The following ZBBX variants were observed in gnomAD, a reference collection of about 807,000 sequenced individuals.
ZBBX encodes zinc finger B-box domain-containing protein 1.
A neutral mutation model predicts 108.5 loss-of-function variants in ZBBX; 101 were observed. That is an observed-to-expected ratio of 0.93 (90% CI 0.79 to 1.10). The LOEUF (loss-of-function observed/expected upper bound fraction) is 1.10. Ranked by LOEUF, ZBBX falls within the 50% of genes least tolerant of loss-of-function variation. The pLI, the probability that ZBBX is intolerant of heterozygous loss-of-function variation, is 0.00. For missense variants in ZBBX, 1,009 were observed against 941.4 expected (o/e 1.07, Z -0.94); for synonymous variants, 356 against 323.4 (o/e 1.10, Z -1.08).
chr3:167,298,729 T>C (rs2108181649), intron 17 of ZBBX, among the ~76,000 whole-genome samples: 1 of 152,200 alleles, frequency 6.6e-6, no homozygotes, highest in East Asian at 1.9e-4. Flanking sequence ...CTTTCTTCCT[T>C]TATTTTCATC....
At chr3:167,400,424 T>C (rs1030010843) in intron 1 of ZBBX, among the ~76,000 whole-genome samples, 1 of 152,148 alleles carries the variant, frequency 6.6e-6, no homozygotes, top group Non-Finnish European at 1.5e-5. Context: ...GATATCTTAT[T>C]GTGGTTTTGA....
At position 167,328,169 on chromosome 3, in the gene ZBBX, C is replaced by A. The variant is rs1289958868; in HGVS notation, c.688-53G>T. 2.6e-6 allele frequency: 4 copies of A among 1,519,290 alleles called. No individual in the cohort carries two copies. In the East Asian group the frequency reaches 9.1e-5, roughly 35 times the overall value. The allele number at this position is 1,519,290 out of a possible 1,614,324, so 94.1% of individuals were successfully genotyped here. ...TTATTAAATTTTCTGTATTTACCCA[C>A]AAAAATTGTTTTAATAAAAAAATTC... is the stretch of plus-strand genomic sequence containing the variant. On this transcript the variant is annotated intron_variant, in intron 10 of 21. Coordinates refer to ENST00000675490, the MANE Select transcript of ZBBX (RefSeq NM_001199201.2).
intron 20 of ZBBX, among the ~76,000 whole-genome samples, chr3:167,251,228 C>T (rs918858812): frequency 6.6e-6 from 1 of 152,310 alleles, no homozygotes; most frequent in Middle Eastern, 3.4e-3. Context: ...AAACTTTGCA[C>T]TCATTCTCCA....
At chr3:167,333,791 T>G in intron 10 of ZBBX, 36 bp downstream of exon 10, 2 of 1,517,332 alleles carry the variant, frequency 1.3e-6, no homozygotes, top group Non-Finnish European at 1.8e-6. Flanking sequence ...TAGTTACATA[T>G]GTCAGAAAAT....
chr3:167,179,071 C>T, the ZBBX span, among the ~76,000 whole-genome samples: 2 of 151,980 alleles, frequency 1.3e-5, no homozygotes, highest in Non-Finnish European at 2.9e-5. Flanking sequence ...TGCCCATCAC[C>T]GAGAAACACT....
At chr3:167,401,215 A>AT (rs1020509781) in intron 1 of ZBBX, 45 of 152,338 alleles carry the variant, frequency 3.0e-4, no homozygotes, top group African/African-American at 1.1e-3. Flanking sequence ...TCAAATGAGA[A>AT]TTTTAATAAA....
chr3:167,182,160 C>T, the ZBBX span, among the ~76,000 whole-genome samples: 1 of 152,122 alleles, frequency 6.6e-6, no homozygotes, highest in Non-Finnish European at 1.5e-5. Flanking sequence ...CCATGCTTCC[C>T]ACAGTTAAAA....
the ZBBX span, among the ~76,000 whole-genome samples, chr3:167,209,082 G>C: frequency 3.9e-5 from 6 of 151,980 alleles, no homozygotes; most frequent in African/African-American, 1.2e-4. Flanking sequence ...TCCTCTGCTT[G>C]TAGAAAGAGA....
At chr3:167,319,265 A>G (rs763747621) in intron 12 of ZBBX, among the ~76,000 whole-genome samples, 19 of 152,184 alleles carry the variant, frequency 1.2e-4, no homozygotes, top group Non-Finnish European at 2.5e-4. Flanking sequence ...TAAATGAAGG[A>G]CATGAAAGGA....
intron 10 of ZBBX, among the ~76,000 whole-genome samples, chr3:167,331,324 A>C (rs2108387620): frequency 6.6e-6 from 1 of 152,280 alleles, no homozygotes; most frequent in African/African-American, 2.4e-5. Flanking sequence ...GGATAAATTT[A>C]GTTTAAAGAT....
intron 11 of ZBBX, among the ~76,000 whole-genome samples, chr3:167,324,244 A>T (rs574785013): frequency 6.6e-6 from 1 of 152,154 alleles, no homozygotes; most frequent in South Asian, 2.1e-4. Context: ...TTCTGAGCTC[A>T]GGTAATTGTT....
At chr3:167,399,332 C>T (rs1748345886) in intron 1 of ZBBX, among the ~76,000 whole-genome samples, 1 of 152,070 alleles carries the variant, frequency 6.6e-6, no homozygotes, top group Non-Finnish European at 1.5e-5. Flanking sequence ...TAAGTACAAG[C>T]CCAGTCCATT....
chr3:167,338,318 G>T (rs1739927086), intron 9 of ZBBX, among the ~76,000 whole-genome samples: 1 of 152,038 alleles, frequency 6.6e-6, no homozygotes, highest in African/African-American at 2.4e-5. Flanking sequence ...AAGTAAAGAG[G>T]GTTGATATTT....
intron 9 of ZBBX, among the ~76,000 whole-genome samples, chr3:167,336,632 C>A (rs576679226): frequency 2.0e-5 from 3 of 152,068 alleles, no homozygotes; most frequent in African/African-American, 2.4e-5. Context: ...GCTTAATTAA[C>A]CTTTTTCCCT....
At chr3:167,204,736 T>C in the ZBBX span, among the ~76,000 whole-genome samples, 2 of 152,016 alleles carry the variant, frequency 1.3e-5, no homozygotes, top group African/African-American at 2.4e-5. Flanking sequence ...GCATGATTTA[T>C]ACTCATTTGG....
chr3:167,257,290 A>G (rs993188426), intron 20 of ZBBX, among the ~76,000 whole-genome samples: 2 of 152,136 alleles, frequency 1.3e-5, no homozygotes, highest in South Asian at 4.1e-4. Context: ...GAATATGTTT[A>G]TCAGTTCTAA....
At chr3:167,298,816 T>C (rs1410437017) in intron 17 of ZBBX, among the ~76,000 whole-genome samples, 1 of 152,058 alleles carries the variant, frequency 6.6e-6, no homozygotes, top group Non-Finnish European at 1.5e-5. Flanking sequence ...CTAGTGTCTT[T>C]GTCTATATAT....
the ZBBX span, among the ~76,000 whole-genome samples, chr3:167,222,597 A>G: frequency 6.6e-6 from 1 of 152,058 alleles, no homozygotes; most frequent in Admixed American, 6.6e-5. Context: ...ACACCGAGGA[A>G]GAAGAAATGA....
At chr3:167,301,416 T>C (rs1439390740) in intron 17 of ZBBX, among the ~76,000 whole-genome samples, 1 of 152,204 alleles carries the variant, frequency 6.6e-6, no homozygotes, top group Non-Finnish European at 1.5e-5. Context: ...TTCCTTATCC[T>C]CTCCTACTGA....
Sources: allele counts gnomAD v4.1 joint callset (sites outside exome capture counted in the v4.1 genomes callset), GRCh38; gene constraint gnomAD v4.1.1; transcripts MANE v1.5; gene names NCBI Gene and HGNC (gene_info 2026-07-23, HGNC 2026-07-21).